Variants in HECW1 observed in about 807,000 individuals in gnomAD.
HECW1 encodes the protein HECT, C2 and WW domain containing E3 ubiquitin protein ligase 1, also known as E3 ubiquitin-protein ligase HECW1.
A neutral mutation model predicts 182.3 loss-of-function variants in HECW1; 61 were observed. The ratio of observed to expected loss-of-function variants is 0.33; its 90% CI spans 0.27 to 0.41. HECW1 has a LOEUF of 0.41. Ranked by LOEUF, HECW1 falls within the 10% of genes least tolerant of loss-of-function variation. The probability of loss-of-function intolerance (pLI) is 1.00; values close to 1 mark genes in which losing one functional copy is unlikely to be tolerated. For missense variants in HECW1, 1,739 were observed against 2,108.9 expected, an observed-to-expected ratio of 0.82 and a Z score of 3.44; for synonymous variants, 859 against 832.6, an observed-to-expected ratio of 1.03 and a Z score of -0.55.
chr7:43,482,203 TATCTG>T (rs900998904), intron 17 of HECW1, among the ~76,000 whole-genome samples: 1 of 151,268 alleles, frequency 6.6e-6, no homozygotes, highest in African/African-American at 2.4e-5. Context: ...AGGCAGAGAG[TATCTG>T]ATCCAGAGGC....
chr7:43,208,129 T>C (rs1795657249), intron 2 of HECW1, among the ~76,000 whole-genome samples: 1 of 152,232 alleles, frequency 6.6e-6, no homozygotes, highest in Admixed American at 6.5e-5. Flanking sequence ...TTTTCATTTC[T>C]CTTCCCTATT....
chr7:43,392,500 G>A (rs1482721604), intron 6 of HECW1, among the ~76,000 whole-genome samples: 1 of 152,044 alleles, frequency 6.6e-6, no homozygotes, highest in Non-Finnish European at 1.5e-5. Context: ...TCAGCTTTAG[G>A]TTTCTTCATA....
chr7:43,431,123 T>A (rs1229786710), intron 8 of HECW1, among the ~76,000 whole-genome samples: 1 of 152,172 alleles, frequency 6.6e-6, no homozygotes, highest in Non-Finnish European at 1.5e-5. Context: ...CTCCAGATGA[T>A]CAAGGTCTAC....
At chr7:43,280,357 G>A (rs963387363) in intron 3 of HECW1, among the ~76,000 whole-genome samples, 5 of 152,146 alleles carry the variant, frequency 3.3e-5, no homozygotes, top group African/African-American at 1.2e-4. Flanking sequence ...GCAGGACCTT[G>A]TGGATTTGGT....
At chr7:43,485,272 C>A (rs1277440156) in intron 17 of HECW1, among the ~76,000 whole-genome samples, 2 of 152,156 alleles carry the variant, frequency 1.3e-5, no homozygotes, top group Non-Finnish European at 2.9e-5. Context: ...ATGAAGGAAT[C>A]TTCATTCAGG....
At chr7:43,391,059 G>A (rs955559520) in intron 6 of HECW1, among the ~76,000 whole-genome samples, 1 of 152,096 alleles carries the variant, frequency 6.6e-6, no homozygotes, top group Non-Finnish European at 1.5e-5. Flanking sequence ...TTAGAATTTG[G>A]CAGGAGACAA....
intron 13 of HECW1, among the ~76,000 whole-genome samples, chr7:43,462,348 A>T (rs2077615364): frequency 6.6e-6 from 1 of 151,940 alleles, no homozygotes; most frequent in South Asian, 2.1e-4. Context: ...CCGACACTGG[A>T]TGATCAATCT....
At chr7:43,179,725 G>C (rs1305875012) in intron 2 of HECW1, among the ~76,000 whole-genome samples, 1 of 152,132 alleles carries the variant, frequency 6.6e-6, no homozygotes, top group Non-Finnish European at 1.5e-5. Context: ...GAATATGACT[G>C]CCTTAATTTA....
At chr7:43,542,460 T>TTA (rs2081398359) in intron 26 of HECW1, among the ~76,000 whole-genome samples, 1 of 151,490 alleles carries the variant, frequency 6.6e-6, no homozygotes, top group South Asian at 2.1e-4. Flanking sequence ...TATTCTTCCT[T>TTA]TATATGTATA....
chr7:43,451,200 T>G (rs1249557329), intron 12 of HECW1, among the ~76,000 whole-genome samples: 1 of 152,226 alleles, frequency 6.6e-6, no homozygotes, highest in Non-Finnish European at 1.5e-5. Context: ...CATTTCTCTG[T>G]TAGACTTGAC....
intron 24 of HECW1, 129 bp downstream of exon 24, chr7:43,509,250 T>C (rs2152929024): frequency 2.4e-6 from 2 of 830,734 alleles, no homozygotes; most frequent in East Asian, 5.3e-5. Flanking sequence ...TGAGAGTGAA[T>C]GACAGAGTCC....
intron 5 of HECW1, among the ~76,000 whole-genome samples, chr7:43,338,261 G>A (rs1812543119): frequency 1.3e-5 from 2 of 152,280 alleles, no homozygotes; most frequent in South Asian, 4.2e-4. Flanking sequence ...TACTCAGCTG[G>A]TTCCATCCAG....
At chr7:43,485,806 A>T (rs1233223497) in intron 17 of HECW1, among the ~76,000 whole-genome samples, 1 of 152,190 alleles carries the variant, frequency 6.6e-6, no homozygotes, top group Non-Finnish European at 1.5e-5. Context: ...GAGGCCTAGG[A>T]CATTACTGTA....
chr7:43,320,181 G>A (rs1040920437), intron 4 of HECW1, among the ~76,000 whole-genome samples: 1 of 152,232 alleles, frequency 6.6e-6, no homozygotes, highest in African/African-American at 2.4e-5. Context: ...GCCCAGGTGG[G>A]AGGAGAGATG....
intron 24 of HECW1, chr7:43,509,822 G>A (rs939986014): frequency 6.6e-6 from 1 of 152,286 alleles, no homozygotes; most frequent in African/African-American, 2.4e-5. Flanking sequence ...CTGCTGTTGA[G>A]AGGGAAATGA....
rs1392874797 is a variant in HECW1 at position 43,444,437 on chromosome 7, T to C, written c.1265T>C (p.Ile422Thr). The change falls in exon 11 of 30, where the codon ATC becomes ACC. Residue 422 changes from isoleucine to threonine, a missense_variant. Physicochemically the swap from Ile to Thr is moderately conservative, Grantham distance 89. Around this residue, in one of 5 missense-constraint regions of HECW1, gnomAD observed 971 missense variants for 1,029.1 expected, o/e 0.94. Transcript: ENST00000395891. The surrounding 1 kb of genome is among the most constrained non-coding windows in gnomAD (Gnocchi z 4.3). ...AGACCAGCTGAGGAAGCAGCAGTCA[T>C]CACGGAGGCAGGAGACCAGGGCATG... ...LSRPAEEAAVITEAGDQGMVS... is the reference protein window; with the variant it reads ...LSRPAEEAAVTTEAGDQGMVS... The C allele has an allele frequency of 6.2e-7, 1 of 1,613,686 alleles. No individual in the cohort carries two copies. The highest frequency in any genetic ancestry group is 8.5e-7 in the Non-Finnish European group (1 of 1,179,938).
In HECW1 at chr7:43,451,052, G is replaced by T. The variant is rs143297492; in HGVS notation, c.2500+123G>T. On this transcript the variant is annotated intron_variant, in intron 12 of 29. Coordinates refer to ENST00000395891, the MANE Select transcript of HECW1 (RefSeq NM_015052.5). ...CTCCGTGCCTTACAGTGTTAACAAAGACCAATATGACACCTGCTCTAAAAA... is the reference window on the plus strand; with the variant it reads ...CTCCGTGCCTTACAGTGTTAACAAATACCAATATGACACCTGCTCTAAAAA... The T allele has an allele frequency of 4.5e-6, 3 of 661,494 alleles. No individual in the cohort carries two copies. In the East Asian group the frequency reaches 8.2e-5, roughly 18 times the overall value. The allele number at this position is 661,494 out of a possible 1,614,324, so 41.0% of individuals were successfully genotyped here.
intron 3 of HECW1, among the ~76,000 whole-genome samples, chr7:43,269,777 G>A (rs1419880257): frequency 1.3e-5 from 2 of 152,228 alleles, no homozygotes; most frequent in East Asian, 1.9e-4. Context: ...AGCTGGGGGC[G>A]GGAAGTGAGG....
chr7:43,152,563 A>G (rs1269257954), intron 2 of HECW1, among the ~76,000 whole-genome samples: 1 of 152,030 alleles, frequency 6.6e-6, no homozygotes, highest in Non-Finnish European at 1.5e-5. Flanking sequence ...ATAAGGGTAC[A>G]ATATTGCTTT....
Sources: allele counts gnomAD v4.1 joint callset (sites outside exome capture counted in the v4.1 genomes callset), GRCh38; gene constraint gnomAD v4.1.1; regional missense constraint gnomAD v4.1.1; non-coding constraint Gnocchi (gnomAD v3.1); transcripts MANE v1.5; gene names NCBI Gene and HGNC (gene_info 2026-07-23, HGNC 2026-07-21).